Variants in XYLB observed in about 807,000 individuals in gnomAD.
XYLB encodes the protein xylulokinase.
XYLB carries 62 observed loss-of-function variants against 78.7 expected under a neutral mutation model. The ratio of observed to expected loss-of-function variants is 0.79; its 90% CI spans 0.64 to 0.97. The LOEUF is 0.97. XYLB is among the 50% of genes least tolerant of loss of function. XYLB has a pLI of 0.00. For synonymous variants in XYLB, 245 were observed against 247.4 expected, an observed-to-expected ratio of 0.99 and a Z score of 0.09; for missense variants, 687 against 676.8, an observed-to-expected ratio of 1.02 and a Z score of -0.17.
At chr3:38,362,905 A>C in intron 3 of XYLB, 32 bp from the exon 4 acceptor site, 1 of 1,499,052 alleles carries the variant, frequency 6.7e-7, no homozygotes. Context: ...GTGGTTCTGT[A>C]CAGTCATGGT....
At chr3:38,372,970 G>A (rs1288294672) in intron 10 of XYLB, among the ~76,000 whole-genome samples, 2 of 152,074 alleles carry the variant, frequency 1.3e-5, no homozygotes, top group Non-Finnish European at 2.9e-5. Flanking sequence ...TCTTAGCTCC[G>A]ACTCTGCCCT....
At chr3:38,372,952 C>T (rs1235932196) in intron 10 of XYLB, among the ~76,000 whole-genome samples, 2 of 152,182 alleles carry the variant, frequency 1.3e-5, no homozygotes, top group African/African-American at 2.4e-5. Flanking sequence ...CTCCTTGTAC[C>T]TGCCCCATCT....
intron 8 of XYLB, among the ~76,000 whole-genome samples, chr3:38,369,259 C>T (rs959868182): frequency 6.6e-6 from 1 of 152,166 alleles, no homozygotes; most frequent in Non-Finnish European, 1.5e-5. Flanking sequence ...AACAGGGTTC[C>T]CTACAGCTAG....
At chr3:38,347,743 G>A (rs1354046970) in intron 1 of XYLB, among the ~76,000 whole-genome samples, 1 of 152,142 alleles carries the variant, frequency 6.6e-6, no homozygotes, top group Non-Finnish European at 1.5e-5. Flanking sequence ...ACCGCCCTTC[G>A]TTGACACCAG....
chr3:38,354,796 AC>A (rs1392379972), intron 2 of XYLB, among the ~76,000 whole-genome samples: 4 of 152,124 alleles, frequency 2.6e-5, no homozygotes, highest in Non-Finnish European at 5.9e-5. Flanking sequence ...GAGCCACCAC[AC>A]CCAGCCTGTT....
chr3:38,379,000 G>C (rs1707009358), intron 14 of XYLB, among the ~76,000 whole-genome samples: 1 of 151,930 alleles, frequency 6.6e-6, no homozygotes, highest in South Asian at 2.1e-4. Context: ...TCAGCTGCCT[G>C]AGACTAAGTT....
the XYLB span, among the ~76,000 whole-genome samples, chr3:38,429,609 G>A: frequency 6.6e-5 from 10 of 152,100 alleles, no homozygotes; most frequent in East Asian, 3.9e-4. Context: ...TGTGCACAAC[G>A]TGCAGGTTTG....
At chr3:38,442,248 G>A in the XYLB span, among the ~76,000 whole-genome samples, 1 of 152,196 alleles carries the variant, frequency 6.6e-6, no homozygotes, top group South Asian at 2.1e-4. Flanking sequence ...CGATTTAAAT[G>A]CTTTGTACCC....
At chr3:38,441,902 G>A in the XYLB span, among the ~76,000 whole-genome samples, 6 of 152,262 alleles carry the variant, frequency 3.9e-5, no homozygotes, top group Admixed American at 3.9e-4. Context: ...ATAAAGAGAG[G>A]TTTTGTCCTG....
intron 16 of XYLB, 74 bp downstream of exon 16, chr3:38,395,637 G>A (rs1174839091): frequency 6.7e-7 from 1 of 1,495,806 alleles, no homozygotes; most frequent in African/African-American, 1.4e-5. Flanking sequence ...AGACTGGATA[G>A]GAAGGACAGC....
chr3:38,372,934 C>T (rs1051365919), intron 10 of XYLB, among the ~76,000 whole-genome samples, 198 bp downstream of exon 10: 4 of 152,098 alleles, frequency 2.6e-5, no homozygotes, highest in African/African-American at 4.8e-5. Flanking sequence ...TCCCACCCTG[C>T]GATCTGACTC....
At chr3:38,422,112 G>A (rs1292346679), downstream of XYLB, among the ~76,000 whole-genome samples, 1 of 152,180 alleles carries the variant, frequency 6.6e-6, no homozygotes, top group Non-Finnish European at 1.5e-5. Context: ...TTTTCCTTTT[G>A]TAATGGGACT....
At chr3:38,347,495 T>G (rs1240326765) in intron 1 of XYLB, among the ~76,000 whole-genome samples, 1 of 151,944 alleles carries the variant, frequency 6.6e-6, no homozygotes, top group African/African-American at 2.4e-5. Context: ...CTGGGCAATA[T>G]GGAGAAACCC....
intron 8 of XYLB, among the ~76,000 whole-genome samples, chr3:38,369,431 C>A (rs1706430294): frequency 6.6e-6 from 1 of 152,174 alleles, no homozygotes; most frequent in African/African-American, 2.4e-5. Flanking sequence ...CTCTGCCCCC[C>A]TTCACTCACC....
chr3:38,417,313 A>G (rs555350239), downstream of XYLB, among the ~76,000 whole-genome samples: 20 of 152,084 alleles, frequency 1.3e-4, no homozygotes, highest in African/African-American at 4.1e-4. Flanking sequence ...TGTAGTCCCT[A>G]GAAATTTATG....
the XYLB span, among the ~76,000 whole-genome samples, chr3:38,428,235 G>T: frequency 6.6e-6 from 1 of 152,046 alleles, no homozygotes; most frequent in African/African-American, 2.4e-5. Flanking sequence ...TTATTTTTTG[G>T]CCCAGCATAT....
intron 2 of XYLB, among the ~76,000 whole-genome samples, chr3:38,349,593 G>A (rs536374899): frequency 3.3e-5 from 5 of 152,334 alleles, no homozygotes; most frequent in South Asian, 4.1e-4. Context: ...ATTTCTGGCT[G>A]TCCTTCAGAG....
chr3:38,367,165 G>A (rs574982321), intron 7 of XYLB, among the ~76,000 whole-genome samples: 19 of 152,182 alleles, frequency 1.2e-4, no homozygotes, highest in Non-Finnish European at 2.2e-4. Context: ...TGGAAGATCT[G>A]AGTGTCTGAG....
chr3:38,347,368 C>T (rs1705125790), intron 1 of XYLB, among the ~76,000 whole-genome samples: 1 of 152,228 alleles, frequency 6.6e-6, no homozygotes. Flanking sequence ...AGATTATAGC[C>T]CAAAACCTTT....
Sources: allele counts gnomAD v4.1 joint callset (sites outside exome capture counted in the v4.1 genomes callset), GRCh38; gene constraint gnomAD v4.1.1; transcripts MANE v1.5; gene names NCBI Gene and HGNC (gene_info 2026-07-23, HGNC 2026-07-21).